Variants in LRP1B observed in about 807,000 individuals in gnomAD.
The protein encoded by LRP1B is LDL receptor related protein 1B.
In LRP1B, 217 loss-of-function variants were observed where a neutral mutation model predicts 556.6. The observed-to-expected ratio is 0.39, with a 90% CI of 0.35 to 0.44. The LOEUF (loss-of-function observed/expected upper bound fraction) is 0.44, where lower values mean the gene tolerates loss of function less well. Among genes scored for constraint, LRP1B ranks in the 20% least tolerant of loss-of-function variants. LRP1B has a pLI of 1.00. For synonymous variants in LRP1B, 2,047 were observed against 1,865.8 expected (o/e 1.10, Z -2.50); for missense variants, 5,053 against 5,620.8 (o/e 0.90, Z 3.23).
intron 1 of LRP1B, among the ~76,000 whole-genome samples, chr2:141,893,495 A>ATT (rs76236748): frequency 3.3e-5 from 5 of 152,160 alleles, no homozygotes; most frequent in South Asian, 4.1e-4. Flanking sequence ...GCCACCACTG[A>ATT]TTTTTTACAT....
At chr2:141,554,267 A>C (rs1685877621) in intron 2 of LRP1B, among the ~76,000 whole-genome samples, 1 of 89,912 alleles carries the variant, frequency 1.1e-5, no homozygotes, top group African/African-American at 3.8e-5. Flanking sequence ...TATAGATTAT[A>C]TATATCTATA....
chr2:141,570,353 G>C (rs1057285757), intron 2 of LRP1B, among the ~76,000 whole-genome samples: 1 of 150,954 alleles, frequency 6.6e-6, no homozygotes, highest in Non-Finnish European at 1.5e-5. Flanking sequence ...AAGGGAGGCA[G>C]TGAGTGAGCG....
At chr2:141,164,616 C>T (rs1004160925) in intron 7 of LRP1B, among the ~76,000 whole-genome samples, 1 of 152,040 alleles carries the variant, frequency 6.6e-6, no homozygotes, top group South Asian at 2.1e-4. Flanking sequence ...AGTACTCTAA[C>T]ACAAATTCCA....
chr2:141,760,203 C>G (rs10193275), intron 2 of LRP1B, among the ~76,000 whole-genome samples: 1 of 152,140 alleles, frequency 6.6e-6, no homozygotes, highest in Non-Finnish European at 1.5e-5. Context: ...ATAACCAAAA[C>G]TGGAAAGAAA....
At chr2:141,115,406 C>G (rs1700862239) in intron 7 of LRP1B, among the ~76,000 whole-genome samples, 1 of 151,106 alleles carries the variant, frequency 6.6e-6, no homozygotes. Flanking sequence ...ATTCCAAGAA[C>G]ATTCCAATTC....
chr2:140,594,794 C>T (rs979737599), intron 43 of LRP1B, among the ~76,000 whole-genome samples: 6 of 152,068 alleles, frequency 3.9e-5, no homozygotes, highest in Admixed American at 1.3e-4. Context: ...CCTTCTGTAA[C>T]TGTCACTTTT....
At chr2:140,701,653 A>G (rs907476387) in intron 40 of LRP1B, 68 bp downstream of exon 40, 15 of 1,468,736 alleles carry the variant, frequency 1.0e-5, no homozygotes, top group Non-Finnish European at 1.4e-5. Flanking sequence ...AAGTTTGACA[A>G]TGTTTTTAAA....
At chr2:140,457,330 A>C in intron 61 of LRP1B, 133 bp downstream of exon 61, 1 of 711,976 alleles carries the variant, frequency 1.4e-6, no homozygotes, top group Non-Finnish European at 2.3e-6. Context: ...ATTCTTCCAT[A>C]AAGTGATGCT....
At chr2:141,398,733 C>T (rs528873334) in intron 3 of LRP1B, among the ~76,000 whole-genome samples, 2 of 152,270 alleles carry the variant, frequency 1.3e-5, no homozygotes, top group African/African-American at 2.4e-5. Context: ...TAGGCAGAAA[C>T]CGGTTTGAGA....
intron 43 of LRP1B, among the ~76,000 whole-genome samples, chr2:140,593,936 A>G (rs1448794195): frequency 6.6e-6 from 1 of 152,162 alleles, no homozygotes; most frequent in East Asian, 1.9e-4. Flanking sequence ...ATAGTGTATC[A>G]GCATTTTTCA....
chr2:141,288,757 T>C (rs1184068974), intron 3 of LRP1B, among the ~76,000 whole-genome samples: 1 of 152,214 alleles, frequency 6.6e-6, no homozygotes, highest in African/African-American at 2.4e-5. Context: ...TTTTCTTCCC[T>C]AGAAGAATTT....
intron 85 of LRP1B, among the ~76,000 whole-genome samples, chr2:140,270,790 A>AG (rs1277779450): frequency 1.3e-5 from 2 of 151,968 alleles, no homozygotes; most frequent in East Asian, 3.9e-4. Flanking sequence ...TCTGTTTCAA[A>AG]GAATGCTAAG....
chr2:140,917,026 C>T (rs935918158), intron 21 of LRP1B, among the ~76,000 whole-genome samples: 30 of 152,080 alleles, frequency 2.0e-4, no homozygotes, highest in African/African-American at 7.0e-4. Context: ...CTATTCTGGC[C>T]TATTTAGGTT....
chr2:142,035,051 A>C (rs924238331), intron 1 of LRP1B, among the ~76,000 whole-genome samples: 25 of 151,886 alleles, frequency 1.6e-4, no homozygotes, highest in African/African-American at 6.0e-4. Flanking sequence ...ATACTGTACT[A>C]TTCCTTTTTA....
intron 1 of LRP1B, among the ~76,000 whole-genome samples, chr2:142,026,839 T>A (rs1480704663): frequency 2.6e-5 from 4 of 152,084 alleles, no homozygotes; most frequent in Non-Finnish European, 5.9e-5. Context: ...CTTCCAGTGC[T>A]GTTGGGACCA....
intron 25 of LRP1B, among the ~76,000 whole-genome samples, chr2:140,873,801 T>C (rs1305286497): frequency 1.3e-5 from 2 of 151,910 alleles, no homozygotes; most frequent in Admixed American, 6.6e-5. Context: ...GAAAACATTC[T>C]TTCAAAAAAA....
chr2:141,904,578 T>C (rs1425386107), intron 1 of LRP1B, among the ~76,000 whole-genome samples: 1 of 151,930 alleles, frequency 6.6e-6, no homozygotes, highest in African/African-American at 2.4e-5. Flanking sequence ...TTCAGTCTGA[T>C]TTTAAGAGAT....
chr2:141,699,378 T>A (rs533534163), intron 2 of LRP1B, among the ~76,000 whole-genome samples: 110 of 151,960 alleles, frequency 7.2e-4, no homozygotes, highest in African/African-American at 2.6e-3. Flanking sequence ...GCTATAGATG[T>A]CTATACACAG....
In LRP1B at chr2:140,743,965, CAAAA is replaced by C. The variant is rs780716758; in HGVS notation, c.5758+25244_5758+25247del. Among the ~76,000 whole-genome samples, 5 of 2,570 alleles carry C rather than the reference CAAAA, an allele frequency of 1.9e-3. No individual in the cohort carries two copies. The East Asian group carries it at 0.026, about 13-fold the overall frequency. The allele number at this position is 2,570 out of a possible 152,430, so 1.7% of individuals were successfully genotyped here. On this transcript the variant is annotated intron_variant, in intron 35 of 90. Transcript: ENST00000389484. ...CTGGCGACAGAGTGAGACTTGGTCT[CAAAA>C]AAAAAAAAAAAAAAAAAAAAAAGTA...
Sources: allele counts gnomAD v4.1 joint callset (sites outside exome capture counted in the v4.1 genomes callset), GRCh38; gene constraint gnomAD v4.1.1; transcripts MANE v1.5; gene names NCBI Gene and HGNC (gene_info 2026-07-23, HGNC 2026-07-21).